Variants in KLF12 observed in about 807,000 individuals in gnomAD.
KLF12 encodes Krueppel-like factor 12.
In KLF12, 9 loss-of-function variants were observed where a neutral mutation model predicts 37.8. The observed-to-expected ratio is 0.24, with a 90% CI of 0.14 to 0.42. The LOEUF (loss-of-function observed/expected upper bound fraction) is 0.42, where lower values mean the gene tolerates loss of function less well. KLF12 is among the 10% of genes least tolerant of loss of function. The pLI is 1.00. For missense variants in KLF12, 411 were observed against 516.0 expected (o/e 0.80, Z 1.97); for synonymous variants, 208 against 202.1 (o/e 1.03, Z -0.25).
chr13:73,878,364 A>T (rs1886816816), intron 3 of KLF12, among the ~76,000 whole-genome samples: 1 of 152,206 alleles, frequency 6.6e-6, no homozygotes, highest in Non-Finnish European at 1.5e-5. Flanking sequence ...TAACCTTAAA[A>T]ATTCAATGTT....
chr13:73,975,843 T>C (rs573367126), intron 2 of KLF12, among the ~76,000 whole-genome samples: 1 of 152,308 alleles, frequency 6.6e-6, no homozygotes, highest in South Asian at 2.1e-4. Context: ...CTCTTTTAGC[T>C]TAAGTTTCCT....
intron 5 of KLF12, among the ~76,000 whole-genome samples, chr13:73,794,537 T>C (rs139741114): frequency 6.6e-6 from 1 of 152,310 alleles, no homozygotes; most frequent in East Asian, 1.9e-4. Flanking sequence ...ACAGAAAACA[T>C]TTAACTTTTC....
At chr13:74,147,671 C>T in the KLF12 span, among the ~76,000 whole-genome samples, 1 of 152,164 alleles carries the variant, frequency 6.6e-6, no homozygotes, top group Non-Finnish European at 1.5e-5. Context: ...TGACCTCAAG[C>T]TTCCAATGCC....
At chr13:74,111,281 G>A (rs1012571953) in intron 1 of KLF12, among the ~76,000 whole-genome samples, 2 of 151,936 alleles carry the variant, frequency 1.3e-5, no homozygotes, top group Non-Finnish European at 2.9e-5. Flanking sequence ...AGAACAGATG[G>A]TACTGTACTG....
chr13:74,060,482 TTTTGTG>T (rs907832837), intron 1 of KLF12, among the ~76,000 whole-genome samples: 2 of 67,340 alleles, frequency 3.0e-5, no homozygotes, highest in African/African-American at 1.4e-4. Flanking sequence ...TATACCTAGG[TTTTGTG>T]TGTGTGTGTG....
rs528438816 is a variant in KLF12 at position 73,847,673 on chromosome 13, G to T, written c.124-1300C>A. ...TTTTTCCTTTTTCTTAGCTAACATG[G>T]TTACTTACCTATAAAAACAAATGAC... On this transcript the variant is annotated intron_variant, in intron 3 of 7. Transcript: ENST00000377669. Among the ~76,000 whole-genome samples, 46 of 152,090 alleles carry T rather than the reference G, an allele frequency of 3.0e-4. 2 individuals carry two copies. The South Asian group carries it at 8.5e-3, about 28-fold the overall frequency.
At position 73,727,408 on chromosome 13, in the gene KLF12, TG is replaced by T. The variant is rs1261570208; in HGVS notation, c.870-11884del. Among the ~76,000 whole-genome samples, 3 of 152,218 alleles carry T rather than the reference TG, an allele frequency of 2.0e-5. No homozygotes were observed. The East Asian group carries it at 5.8e-4, about 29-fold the overall frequency. On this transcript the variant is annotated intron_variant, in intron 6 of 7. Coordinates refer to ENST00000377669, the MANE Select transcript of KLF12 (RefSeq NM_007249.5). ...AGGAAGGAGTCCAATTTCATTCTTT[TG>T]CATGGGGATATTCAGTTATCCCAGC...
chr13:73,823,450 A>C (rs1038889377), intron 4 of KLF12, among the ~76,000 whole-genome samples: 1 of 152,220 alleles, frequency 6.6e-6, no homozygotes, highest in Non-Finnish European at 1.5e-5. Context: ...CTATTGTGCC[A>C]CATAGAGAAT....
intron 1 of KLF12, among the ~76,000 whole-genome samples, chr13:74,049,335 A>G (rs1189430180): frequency 6.6e-6 from 1 of 152,204 alleles, no homozygotes; most frequent in Admixed American, 6.5e-5. Flanking sequence ...AGGTTTTTCT[A>G]TGGAAGACCT....
intron 3 of KLF12, among the ~76,000 whole-genome samples, chr13:73,926,618 TTCTC>T (rs895222217): frequency 7.3e-5 from 10 of 137,212 alleles, no homozygotes; most frequent in East Asian, 4.3e-4. Context: ...AATGCTCCTT[TTCTC>T]TCTCTCTCTT....
At chr13:73,906,461 C>T (rs988249831) in intron 3 of KLF12, among the ~76,000 whole-genome samples, 5 of 152,158 alleles carry the variant, frequency 3.3e-5, no homozygotes, top group African/African-American at 9.7e-5. Context: ...TTAATCTATT[C>T]CATTTTTTTA....
chr13:74,024,357 C>T (rs1268020628), intron 1 of KLF12, among the ~76,000 whole-genome samples: 1 of 152,178 alleles, frequency 6.6e-6, no homozygotes, highest in African/African-American at 2.4e-5. Context: ...AGTTGCCCAT[C>T]TAATGGTTTA....
chr13:73,861,140 A>C (rs1885904914), intron 3 of KLF12, among the ~76,000 whole-genome samples: 1 of 152,186 alleles, frequency 6.6e-6, no homozygotes, highest in Non-Finnish European at 1.5e-5. Flanking sequence ...AAGTTTTTCA[A>C]AGTTAGTTAG....
chr13:74,273,991 TAG>T, the KLF12 span, among the ~76,000 whole-genome samples: 1 of 152,108 alleles, frequency 6.6e-6, no homozygotes. Flanking sequence ...TAATTAAAAA[TAG>T]AAGACTGGCA....
At chr13:73,920,354 A>G (rs2139212885) in intron 3 of KLF12, among the ~76,000 whole-genome samples, 1 of 152,162 alleles carries the variant, frequency 6.6e-6, no homozygotes, top group African/African-American at 2.4e-5. Context: ...AATGTATGTA[A>G]GCTAAGTGGA....
the KLF12 span, among the ~76,000 whole-genome samples, chr13:74,301,709 T>C: frequency 6.6e-6 from 1 of 152,082 alleles, no homozygotes; most frequent in Non-Finnish European, 1.5e-5. Flanking sequence ...CAAAACCCAG[T>C]TTAAATTTGT....
chr13:74,191,541 C>T, the KLF12 span, among the ~76,000 whole-genome samples: 2 of 152,136 alleles, frequency 1.3e-5, no homozygotes, highest in African/African-American at 4.8e-5. Flanking sequence ...TAATGAGAGC[C>T]GCGTGCTTCT....
At chr13:74,070,842 A>G (rs990845178) in intron 1 of KLF12, among the ~76,000 whole-genome samples, 1 of 152,154 alleles carries the variant, frequency 6.6e-6, no homozygotes, top group African/African-American at 2.4e-5. Context: ...TAAGTAAAAG[A>G]TATTTCATGA....
intron 4 of KLF12, among the ~76,000 whole-genome samples, chr13:73,831,568 G>A (rs1884159997): frequency 6.6e-6 from 1 of 152,080 alleles, no homozygotes; most frequent in African/African-American, 2.4e-5. Context: ...CTGTAATAAA[G>A]TATTCTCTCC....
Sources: allele counts gnomAD v4.1 joint callset (sites outside exome capture counted in the v4.1 genomes callset), GRCh38; gene constraint gnomAD v4.1.1; transcripts MANE v1.5; gene names NCBI Gene and HGNC (gene_info 2026-07-23, HGNC 2026-07-21).